The following DENND2D variants were observed in gnomAD, a reference collection of about 807,000 sequenced individuals.
DENND2D encodes the protein DENN domain containing 2D.
In DENND2D, 37 loss-of-function variants were observed where a neutral mutation model predicts 59.8. That is an observed-to-expected ratio of 0.62 (90% CI 0.48 to 0.81). The LOEUF (loss-of-function observed/expected upper bound fraction) is 0.81, where lower values mean the gene tolerates loss of function less well. Ranked by LOEUF, DENND2D falls within the 40% of genes least tolerant of loss-of-function variation. The pLI, the probability that DENND2D is intolerant of heterozygous loss-of-function variation, is 0.00. For missense variants in DENND2D, 525 were observed against 579.7 expected, an observed-to-expected ratio of 0.91 and a Z score of 0.97; for synonymous variants, 219 against 211.3, an observed-to-expected ratio of 1.04 and a Z score of -0.31.
chr1:111,190,981 T>TTA (rs1462715531), intron 8 of DENND2D, among the ~76,000 whole-genome samples: 3 of 152,186 alleles, frequency 2.0e-5, no homozygotes, highest in Admixed American at 1.3e-4. Flanking sequence ...TTTGGGCATA[T>TTA]TATTGTCTGT....
chr1:111,199,753 C>T lies in DENND2D; in HGVS notation c.113G>A (p.Arg38Lys), dbSNP rs765874038. Residue 38 changes from arginine (R) to lysine (K), a missense_variant, in exon 2 of 12, where the codon AGG becomes AAG. Physicochemically the swap from Arg to Lys is conservative, Grantham distance 26. Transcript: ENST00000357640. ...NSGEALKEPE[R>K]AQEHSLPNFA... ...GTTGGGCAAAGAGTGCTCCTGGGCC[C>T]TTTCTGGTTCCTTTAAAGCTTCCCC... The T allele has an allele frequency of 5.6e-6, 9 of 1,614,142 alleles. No individual in the cohort carries two copies. Among genetic ancestry groups the T allele is most frequent in the South Asian group, 4.4e-5 (4 of 91,082 alleles).
At chr1:111,189,146 C>T (rs1657495457) in intron 9 of DENND2D, 66 bp downstream of exon 9, 3 of 1,549,542 alleles carry the variant, frequency 1.9e-6, no homozygotes, top group African/African-American at 1.4e-5. Context: ...ATAAGTGGAA[C>T]ATGGATGAAA....
Position 111,187,649 on chromosome 1 carries a change from C to G in DENND2D, c.1372G>C (p.Glu458Gln). The G allele has an allele frequency of 6.2e-7, 1 of 1,613,856 alleles. No homozygotes were observed. The highest frequency in any genetic ancestry group is 8.5e-7 in the Non-Finnish European group (1 of 1,179,852). Residue 458 changes from glutamate to glutamine, a missense_variant, in exon 12 of 12, where the codon GAA (glutamate) becomes CAA (glutamine). Coordinates refer to ENST00000357640, the MANE Select transcript of DENND2D (RefSeq NM_024901.5). The stretch of plus-strand genomic sequence containing the variant: ...CTTGGTTTCTTCTGTTTCTTCTGTT[C>G]CTCATATTCAAGTATTTTCTGTTGG... ...YFQQKILEYE[E>Q]QKKQKKPREK... is the part of the protein sequence containing the mutation.
At chr1:111,195,689 A>G in intron 6 of DENND2D, 1 of 526,100 alleles carries the variant, frequency 1.9e-6, no homozygotes, top group South Asian at 2.1e-5. Context: ...ATTATAAATA[A>G]AAGTCTTGGT....
chr1:111,195,887 G>T, intron 6 of DENND2D, 29 bp downstream of exon 6: 11 of 1,613,766 alleles, frequency 6.8e-6, no homozygotes, highest in Non-Finnish European at 9.3e-6. Context: ...CTCCAGCTAG[G>T]GAAGGTCTCA....
intron 10 of DENND2D, 81 bp downstream of exon 10, chr1:111,188,621 C>T (rs756354541): frequency 3.7e-4 from 509 of 1,363,432 alleles, no homozygotes; most frequent in Non-Finnish European, 5.1e-4. Flanking sequence ...TGAATGAGTT[C>T]ATTTTAGTTC....
chr1:111,202,294 G>A (rs946519291), upstream of DENND2D: 2 of 152,174 alleles, frequency 1.3e-5, no homozygotes, highest in African/African-American at 4.8e-5. Flanking sequence ...AAAGTAATTA[G>A]ACTTTTGGGA....
Position 111,194,671 on chromosome 1 carries a change from G to T in DENND2D, c.701C>A (p.Ser234Tyr). 1 of 1,614,074 alleles carries T rather than the reference G, an allele frequency of 6.2e-7. No individual in the cohort carries two copies. The highest frequency in any genetic ancestry group is 8.5e-7 in the Non-Finnish European group (1 of 1,179,990). Residue 234 changes from serine to tyrosine, a missense_variant, in exon 7 of 12, where the codon TCT (serine) becomes TAT (tyrosine). Ser to Tyr is a moderately radical substitution (Grantham distance 144). Transcript: ENST00000357640. ...TTCAAAACTGAGACAGTGCAATAGA[G>T]AACTAAAATCCACATGTTCTAGGTG... ...DSHLEHVDFS[S>Y]LLHCLSFEQI...
At chr1:111,191,019 TCTGA>T (rs1467177512) in intron 8 of DENND2D, among the ~76,000 whole-genome samples, 1 of 152,140 alleles carries the variant, frequency 6.6e-6, no homozygotes, top group Non-Finnish European at 1.5e-5. Flanking sequence ...AAAGCCAGAG[TCTGA>T]CTGGCCATCA....
chr1:111,194,234 A>G lies in DENND2D; in HGVS notation c.794+344T>C, dbSNP rs536883530. Reference sequence around the variant, plus strand: ...ATAAATGTTTGTTGAATGAGTATCTACCTCCTGCCCTGTTCTCCACCCTCC... The same window carrying G: ...ATAAATGTTTGTTGAATGAGTATCTGCCTCCTGCCCTGTTCTCCACCCTCC... On this transcript the variant is annotated intron_variant, in intron 7 of 11. Coordinates refer to ENST00000357640, the MANE Select transcript of DENND2D (RefSeq NM_024901.5). Among the ~76,000 whole-genome samples, 4 of 152,124 alleles carry G rather than the reference A, an allele frequency of 2.6e-5. No individual in the cohort carries two copies. In the East Asian group the frequency reaches 7.7e-4, roughly 29 times the overall value.
chr1:111,188,522 A>T, intron 10 of DENND2D, 152 bp from the exon 11 acceptor site: 11 of 1,301,542 alleles, frequency 8.5e-6, no homozygotes, highest in Non-Finnish European at 1.2e-5. Flanking sequence ...GAATCTGGGT[A>T]TGAGTTCTCT....
At chr1:111,192,056 T>C in intron 8 of DENND2D, 84 bp downstream of exon 8, 2 of 1,305,678 alleles carry the variant, frequency 1.5e-6, no homozygotes, top group Non-Finnish European at 2.1e-6. Flanking sequence ...TTGCCCCTAA[T>C]CACACAGCTG....
At chr1:111,197,734 G>C in intron 4 of DENND2D, 186 bp downstream of exon 4, 1 of 1,426,890 alleles carries the variant, frequency 7.0e-7, no homozygotes, top group Non-Finnish European at 9.1e-7. Flanking sequence ...GGGAGAAGGG[G>C]CATCAGGTCC....
chr1:111,196,390 A>G (rs1398135631), intron 5 of DENND2D: 26 of 201,316 alleles, frequency 1.3e-4, no homozygotes, highest in Non-Finnish European at 5.1e-5. Flanking sequence ...ATCACCCATG[A>G]TGGTACCATG....
chr1:111,189,126 G>A, intron 9 of DENND2D, 86 bp downstream of exon 9: 9 of 1,471,616 alleles, frequency 6.1e-6, no homozygotes, highest in Non-Finnish European at 8.5e-6. Flanking sequence ...GAACTTAAAT[G>A]TTTGTTTAAA....
At chr1:111,190,783 A>C (rs950655449) in intron 8 of DENND2D, among the ~76,000 whole-genome samples, 4 of 152,238 alleles carry the variant, frequency 2.6e-5, no homozygotes, top group Non-Finnish European at 5.9e-5. Context: ...TATGCCAAAA[A>C]ATAGAGCATG....
intron 11 of DENND2D, 131 bp from the exon 12 acceptor site, chr1:111,187,812 C>T: frequency 3.7e-6 from 3 of 810,464 alleles, no homozygotes; most frequent in Non-Finnish European, 5.9e-6. Flanking sequence ...TCTCTGGCCT[C>T]ACAGGTTCTG....
Position 111,190,910 on chromosome 1 carries a change from G to C in DENND2D, c.972+1230C>G, listed in dbSNP as rs566618097. Among the ~76,000 whole-genome samples, 4 of 152,304 alleles carry C rather than the reference G, an allele frequency of 2.6e-5. No individual in the cohort carries two copies. In the South Asian group the frequency reaches 8.3e-4, roughly 32 times the overall value. On this transcript the variant is annotated intron_variant, in intron 8 of 11. Transcript: ENST00000357640. ...GAAGACTGTTCCTTTGAGGGATTGG[G>C]GGGAGAGAGTGTGTATAAATAATTT... is the stretch of plus-strand genomic sequence containing the variant.
rs1657298697 is a variant in DENND2D, at chr1:111,187,157, A to G, written c.*448T>C. The G allele has an allele frequency of 6.4e-6, 1 of 156,222 alleles. No homozygotes were observed. Among genetic ancestry groups the G allele is most frequent in the African/African-American group, 2.4e-5 (1 of 41,524 alleles). The allele number at this position is 156,222 out of a possible 1,614,324, so 9.7% of individuals were successfully genotyped here. ...GAGGAAAATACTTTTACCCATAGTA[A>G]AAGCCAAAGACACATATAAAAATAA... On this transcript the variant is annotated 3_prime_UTR_variant, in exon 12 of 12. Transcript: ENST00000357640.
Sources: gnomAD v4.1 joint callset for allele counts (sites outside exome capture counted in the v4.1 genomes callset) on GRCh38, gnomAD v4.1.1 for gene constraint, MANE v1.5 for transcripts, NCBI Gene and HGNC (gene_info 2026-07-23, HGNC 2026-07-21) for gene names.